DAB1: variants seen among roughly 807,000 people sequenced by gnomAD.
The protein encoded by DAB1 is disabled homolog 1.
Under a neutral mutation model 64.6 loss-of-function variants are expected in DAB1, and 15 were observed. The observed-to-expected ratio is 0.23, with a 90% CI of 0.16 to 0.36. The LOEUF (loss-of-function observed/expected upper bound fraction) is 0.36, where lower values mean the gene tolerates loss of function less well. Among genes scored for constraint, DAB1 ranks in the 10% least tolerant of loss-of-function variants. The pLI, the probability that DAB1 is intolerant of heterozygous loss-of-function variation, is 1.00. For missense variants in DAB1, 596 were observed against 706.7 expected, an observed-to-expected ratio of 0.84 and a Z score of 1.78; for synonymous variants, 235 against 251.9, an observed-to-expected ratio of 0.93 and a Z score of 0.64.
intron 5 of DAB1, among the ~76,000 whole-genome samples, chr1:58,065,279 G>T (rs139285146): frequency 3.3e-5 from 5 of 152,246 alleles, no homozygotes; most frequent in African/African-American, 9.6e-5. Flanking sequence ...CAAATGCAGG[G>T]TGAATTTAAC....
chr1:58,325,693 T>G (rs1240565329), intron 4 of DAB1, among the ~76,000 whole-genome samples: 1 of 152,220 alleles, frequency 6.6e-6, no homozygotes, highest in Non-Finnish European at 1.5e-5. Context: ...AAATCAGTGC[T>G]GTATGTAAAG....
intron 2 of DAB1, among the ~76,000 whole-genome samples, chr1:57,256,779 A>G (rs1260624903): frequency 6.6e-6 from 1 of 152,134 alleles, no homozygotes; most frequent in Non-Finnish European, 1.5e-5. Context: ...TCTTCCTGAC[A>G]TGGGACAAGC....
intron 7 of DAB1, among the ~76,000 whole-genome samples, chr1:57,576,683 G>T (rs1645253359): frequency 6.6e-6 from 1 of 152,150 alleles, no homozygotes; most frequent in East Asian, 1.9e-4. Context: ...TCAATTTGAG[G>T]TACTTTTAAA....
chr1:57,653,166 T>C (rs537312255), intron 6 of DAB1, among the ~76,000 whole-genome samples: 2 of 152,340 alleles, frequency 1.3e-5, no homozygotes, highest in African/African-American at 2.4e-5. Flanking sequence ...CCTTTTTTAA[T>C]ATAAAACATT....
chr1:57,820,076 A>G (rs1652049417), intron 6 of DAB1, among the ~76,000 whole-genome samples: 1 of 152,186 alleles, frequency 6.6e-6, no homozygotes, highest in Non-Finnish European at 1.5e-5. Flanking sequence ...GGCCAAGACA[A>G]TTACCTCCAT....
chr1:57,674,626 C>A (rs532173744), intron 6 of DAB1, among the ~76,000 whole-genome samples: 4 of 152,138 alleles, frequency 2.6e-5, no homozygotes, highest in Non-Finnish European at 4.4e-5. Context: ...CAGGAGTCAG[C>A]CTAATTCTGG....
At chr1:58,303,285 C>T (rs4912187) in intron 4 of DAB1, among the ~76,000 whole-genome samples, 69,022 of 151,870 alleles carry the variant, frequency 0.45, 15,853 homozygotes, top group African/African-American at 0.49. Flanking sequence ...CTGCTTCCTG[C>T]TGTTGCTAAT....
At position 58,094,754 on chromosome 1, in the gene DAB1, G is replaced by A. The variant is rs538134533; in HGVS notation, n.387+55757C>T. On this transcript the variant is annotated intron_variant and non_coding_transcript_variant, in intron 5 of 20. Transcript: ENST00000485760. Reference sequence around the variant, plus strand: ...TGAGAGATTTATTTAAGCATCTTTGGCATGTGCTAGAGTAGTGCTTATTAA... The same window carrying A: ...TGAGAGATTTATTTAAGCATCTTTGACATGTGCTAGAGTAGTGCTTATTAA... Among the ~76,000 whole-genome samples, 32 of 152,272 alleles carry A rather than the reference G, an allele frequency of 2.1e-4. No individual in the cohort carries two copies. In the Middle Eastern group the frequency reaches 0.01, roughly 49 times the overall value.
At chr1:58,312,421 C>T (rs909074324) in intron 4 of DAB1, among the ~76,000 whole-genome samples, 3 of 152,098 alleles carry the variant, frequency 2.0e-5, no homozygotes, top group Admixed American at 6.6e-5. Flanking sequence ...CTGTCCTTTC[C>T]CTGTGGGAGC....
chr1:57,987,512 A>T (rs1458511901), intron 5 of DAB1, among the ~76,000 whole-genome samples: 2 of 152,220 alleles, frequency 1.3e-5, no homozygotes, highest in African/African-American at 4.8e-5. Context: ...CCAAGATTCA[A>T]ACTGAAGTGT....
At chr1:57,104,908 C>T (rs1324162609) in intron 4 of DAB1, among the ~76,000 whole-genome samples, 1 of 152,136 alleles carries the variant, frequency 6.6e-6, no homozygotes, top group East Asian at 1.9e-4. Context: ...TGGGGCCCCC[C>T]TTCCAGTCCT....
At chr1:58,426,503 A>C (rs1160068381) in intron 3 of DAB1, among the ~76,000 whole-genome samples, 1 of 152,248 alleles carries the variant, frequency 6.6e-6, no homozygotes, top group Non-Finnish European at 1.5e-5. Flanking sequence ...CAGGATCTGC[A>C]GTCAACAAGC....
intron 4 of DAB1, among the ~76,000 whole-genome samples, chr1:58,260,214 C>G (rs989740404): frequency 2.6e-5 from 4 of 152,278 alleles, no homozygotes; most frequent in East Asian, 1.9e-4. Context: ...TATGTCCCCC[C>G]ACCAGAAGGT....
chr1:58,204,325 G>A lies in DAB1; in HGVS notation n.310-53737C>T, dbSNP rs528968617. Among the ~76,000 whole-genome samples the A allele has an allele frequency of 2.1e-3, 325 of 152,300 alleles. 4 individuals carry two copies. The highest frequency in any genetic ancestry group is 7.4e-3 in the African/African-American group (308 of 41,570). ...CCGAATTATTTGTCAGAGCCCCAGA[G>A]GGTAGAACTTAAATTCAAATTTCCT... On this transcript the variant is annotated intron_variant and non_coding_transcript_variant, in intron 4 of 20. Coordinates refer to the DAB1 transcript ENST00000485760.
At chr1:57,966,366 GC>G (rs1315666283) in intron 5 of DAB1, among the ~76,000 whole-genome samples, 1 of 152,042 alleles carries the variant, frequency 6.6e-6, no homozygotes, top group African/African-American at 2.4e-5. Context: ...GAGGAATGTT[GC>G]CCCCTCATCA....
chr1:58,366,491 T>C (rs1263016647), intron 3 of DAB1, among the ~76,000 whole-genome samples: 1 of 152,170 alleles, frequency 6.6e-6, no homozygotes, highest in Non-Finnish European at 1.5e-5. Flanking sequence ...CTCAAGAACA[T>C]ACTATAGGCA....
At chr1:57,690,992 T>C (rs575978751) in intron 6 of DAB1, among the ~76,000 whole-genome samples, 1 of 152,272 alleles carries the variant, frequency 6.6e-6, no homozygotes, top group Non-Finnish European at 1.5e-5. Context: ...AATGGGATCA[T>C]TGAATTTTTT....
intron 2 of DAB1, among the ~76,000 whole-genome samples, chr1:57,233,322 G>A (rs1667840628): frequency 7.7e-6 from 1 of 129,798 alleles, no homozygotes; most frequent in African/African-American, 2.8e-5. Context: ...GAGTGCAGTG[G>A]CGGGATCTCG....
At chr1:57,873,951 T>C (rs1156541763) in intron 1 of DAB1, 4 of 152,116 alleles carry the variant, frequency 2.6e-5, no homozygotes, top group Non-Finnish European at 5.9e-5. Flanking sequence ...TTTCTTCATA[T>C]ATTATGTCTG....
Sources: allele counts gnomAD v4.1 joint callset (sites outside exome capture counted in the v4.1 genomes callset), GRCh38; gene constraint gnomAD v4.1.1; transcripts MANE v1.5; gene names NCBI Gene and HGNC (gene_info 2026-07-23, HGNC 2026-07-21).